The following FAM178B variants were observed in gnomAD, a reference collection of about 807,000 sequenced individuals.
FAM178B encodes the protein family with sequence similarity 178 member B.
A neutral mutation model predicts 91.7 loss-of-function variants in FAM178B; 82 were observed. That is an observed-to-expected ratio of 0.89 (90% CI 0.75 to 1.07). FAM178B has a LOEUF of 1.07. Among genes scored for constraint, FAM178B ranks in the 50% least tolerant of loss-of-function variants. The pLI, the probability that FAM178B is intolerant of heterozygous loss-of-function variation, is 0.00. For missense variants in FAM178B, 769 were observed against 846.7 expected, an observed-to-expected ratio of 0.91 and a Z score of 1.14; for synonymous variants, 368 against 359.4, an observed-to-expected ratio of 1.02 and a Z score of -0.27.
chr2:96,943,305 C>A (rs537622126), intron 8 of FAM178B, among the ~76,000 whole-genome samples: 1 of 152,300 alleles, frequency 6.6e-6, no homozygotes, highest in Non-Finnish European at 1.5e-5. Flanking sequence ...TATCTCCTGG[C>A]AACTGTTAAT....
chr2:96,960,018 T>C (rs1192288760), intron 6 of FAM178B, among the ~76,000 whole-genome samples: 2 of 152,000 alleles, frequency 1.3e-5, no homozygotes, highest in Non-Finnish European at 2.9e-5. Flanking sequence ...GACACTGGGG[T>C]GTAGGGGAGG....
At chr2:96,984,805 G>A (rs975475411) in intron 1 of FAM178B, among the ~76,000 whole-genome samples, 1 of 152,130 alleles carries the variant, frequency 6.6e-6, no homozygotes, top group African/African-American at 2.4e-5. Flanking sequence ...CACTTTCAAA[G>A]ACAAAGACAT....
chr2:96,969,300 A>G (rs2082186350), intron 4 of FAM178B, among the ~76,000 whole-genome samples: 1 of 152,198 alleles, frequency 6.6e-6, no homozygotes, highest in Non-Finnish European at 1.5e-5. Flanking sequence ...TTAAGGTAAA[A>G]TGAGGTCATA....
intron 1 of FAM178B, among the ~76,000 whole-genome samples, chr2:96,978,974 CTTTTTTTTT>C (rs559416706): frequency 5.3e-5 from 3 of 56,774 alleles, no homozygotes; most frequent in African/African-American, 1.5e-4. Flanking sequence ...GTATGTATCA[CTTTTTTTTT>C]TTTTTTTTTT....
At chr2:96,925,961 T>C (rs943242125) in intron 9 of FAM178B, among the ~76,000 whole-genome samples, 6 of 152,290 alleles carry the variant, frequency 3.9e-5, no homozygotes, top group East Asian at 1.9e-4. Flanking sequence ...AATGTGTTAA[T>C]TGTCATGTAT....
chr2:96,888,561 G>A (rs1207173686), intron 14 of FAM178B, among the ~76,000 whole-genome samples: 1 of 152,184 alleles, frequency 6.6e-6, no homozygotes, highest in Non-Finnish European at 1.5e-5. Context: ...TCCCTGCCTA[G>A]CCCTGCAGTG....
rs1559079687 is a variant in FAM178B at position 96,929,313 on chromosome 2, G to A, written c.1086C>T (p.Asp362=). ...GCAGTGAGGGGCACCACAGGTGCTTGTCTTCATCTGTCAGGCCAAAAGGGA... is the reference window on the plus strand; with the variant it reads ...GCAGTGAGGGGCACCACAGGTGCTTATCTTCATCTGTCAGGCCAAAAGGGA... ...VDGIFLQPDE[D]KHLWCPSLQE... is the part of the protein sequence containing the mutation. Residue 362 remains aspartate, a synonymous_variant, in exon 9 of 17, where the codon GAC becomes GAT. Transcript: ENST00000490605. The A allele has an allele frequency of 1.9e-6, 3 of 1,549,730 alleles. No homozygotes were observed. The African/African-American group carries it at 4.1e-5, about 21-fold the overall frequency.
chr2:96,884,305 C>T (rs1159602534), intron 14 of FAM178B, among the ~76,000 whole-genome samples: 3 of 152,172 alleles, frequency 2.0e-5, no homozygotes, highest in Non-Finnish European at 4.4e-5. Context: ...ACAAGCTCCC[C>T]GGGTGTGCGT....
chr2:96,929,519 T>C (rs975043729), intron 8 of FAM178B, among the ~76,000 whole-genome samples, 199 bp from the exon 9 acceptor site: 6 of 152,248 alleles, frequency 3.9e-5, no homozygotes, highest in Non-Finnish European at 8.8e-5. Context: ...TTCAATGTTT[T>C]CTTGAATATT....
chr2:96,930,505 AG>A (rs2081522883), intron 8 of FAM178B, among the ~76,000 whole-genome samples: 1 of 152,294 alleles, frequency 6.6e-6, no homozygotes, highest in African/African-American at 2.4e-5. Context: ...CCGACTTAGC[AG>A]TTGACTTGCT....
intron 5 of FAM178B, among the ~76,000 whole-genome samples, chr2:96,964,404 G>A (rs998375970): frequency 6.6e-6 from 1 of 152,128 alleles, no homozygotes; most frequent in African/African-American, 2.4e-5. Flanking sequence ...CTTCGCCCAT[G>A]TGGTGCTTAG....
At chr2:96,918,838 T>C (rs2153370650) in intron 12 of FAM178B, among the ~76,000 whole-genome samples, 1 of 152,256 alleles carries the variant, frequency 6.6e-6, no homozygotes, top group African/African-American at 2.4e-5. Context: ...TTAACCGGTT[T>C]ATGTTATCTA....
chr2:96,885,458 T>G (rs548145305), intron 14 of FAM178B, among the ~76,000 whole-genome samples: 1 of 152,330 alleles, frequency 6.6e-6, no homozygotes, highest in Admixed American at 6.5e-5. Context: ...TGAGCAGCCC[T>G]GGCTCCTGCT....
At chr2:96,888,597 C>T (rs536264588) in intron 14 of FAM178B, among the ~76,000 whole-genome samples, 1 of 152,368 alleles carries the variant, frequency 6.6e-6, no homozygotes, top group East Asian at 1.9e-4. Flanking sequence ...TCCACAACCT[C>T]CCATTAAGGC....
intron 13 of FAM178B, among the ~76,000 whole-genome samples, chr2:96,897,039 G>A (rs142879037): frequency 0.021 from 3,139 of 152,260 alleles, 102 homozygotes; most frequent in African/African-American, 0.071. Context: ...GCTAATTTTT[G>A]TATTTTTAGT....
intron 5 of FAM178B, among the ~76,000 whole-genome samples, chr2:96,961,735 C>T (rs1025695892): frequency 6.6e-6 from 1 of 152,036 alleles, no homozygotes; most frequent in Non-Finnish European, 1.5e-5. Context: ...GGTGTGGCGT[C>T]GCCTGCAGCC....
At chr2:96,912,693 T>C (rs1390970700) in intron 12 of FAM178B, among the ~76,000 whole-genome samples, 1 of 152,170 alleles carries the variant, frequency 6.6e-6, no homozygotes, top group Non-Finnish European at 1.5e-5. Context: ...CTGGCGATCA[T>C]GGCCTGACCG....
At chr2:96,979,275 A>ATTTTTTT (rs745659064) in intron 1 of FAM178B, among the ~76,000 whole-genome samples, 1 of 114,412 alleles carries the variant, frequency 8.7e-6, no homozygotes, top group Non-Finnish European at 1.7e-5. Flanking sequence ...GCGCCCAGGC[A>ATTTTTTT]TTTTTTTTTT....
At chr2:96,896,282 T>C (rs981671633) in intron 13 of FAM178B, among the ~76,000 whole-genome samples, 2 of 152,194 alleles carry the variant, frequency 1.3e-5, no homozygotes, top group African/African-American at 4.8e-5. Context: ...TGAAAACAGC[T>C]TGGCTGTGCT....
Sources: gnomAD v4.1 joint callset for allele counts (sites outside exome capture counted in the v4.1 genomes callset) on GRCh38, gnomAD v4.1.1 for gene constraint, MANE v1.5 for transcripts, NCBI Gene and HGNC (gene_info 2026-07-23, HGNC 2026-07-21) for gene names.